Variants in SYNE1 observed in about 807,000 individuals in gnomAD.
SYNE1 encodes the protein nesprin-1.
A neutral mutation model predicts 1,111.0 loss-of-function variants in SYNE1; 616 were observed. The observed-to-expected ratio is 0.55, with a 90% CI of 0.52 to 0.59. The LOEUF is 0.59. Ranked by LOEUF, SYNE1 falls within the 20% of genes least tolerant of loss-of-function variation. The pLI, the probability that SYNE1 is intolerant of heterozygous loss-of-function variation, is 0.00. For synonymous variants in SYNE1, 3,855 were observed against 3,825.8 expected (o/e 1.01, Z -0.28); for missense variants, 10,006 against 10,417.0 (o/e 0.96, Z 1.72).
At chr6:152,536,252 A>G (rs1303655069) in intron 4 of SYNE1, among the ~76,000 whole-genome samples, 4 of 149,568 alleles carry the variant, frequency 2.7e-5, no homozygotes, top group Non-Finnish European at 5.9e-5. Flanking sequence ...ATTCCCTTCT[A>G]TACAGATGCA....
chr6:152,265,729 A>G (rs560306629), intron 100 of SYNE1, among the ~76,000 whole-genome samples: 2 of 152,246 alleles, frequency 1.3e-5, no homozygotes, highest in South Asian at 4.1e-4. Flanking sequence ...TTATATTGAC[A>G]TCAACAAATT....
chr6:152,143,982 C>A, intron 137 of SYNE1: 1 of 616,202 alleles, frequency 1.6e-6, no homozygotes. Flanking sequence ...CCTAGCAGAT[C>A]GGACGTCGCA....
chr6:152,593,607 CAT>C (rs2099573021), intron 3 of SYNE1, among the ~76,000 whole-genome samples: 1 of 151,932 alleles, frequency 6.6e-6, no homozygotes, highest in Admixed American at 6.6e-5. Context: ...AGCTTGAAGA[CAT>C]AGAGGACGGA....
chr6:152,331,449 C>A lies in SYNE1; in HGVS notation c.13236G>T (p.Met4412Ile), dbSNP rs775522405. The A allele has an allele frequency of 3.7e-6, 6 of 1,614,182 alleles. No homozygotes were observed. The East Asian group carries it at 1.1e-4, about 30-fold the overall frequency. The change falls in exon 78 of 146, where the codon ATG (methionine) becomes ATT (isoleucine). Residue 4412 changes from methionine (M) to isoleucine (I), a missense_variant. Around this residue, in one of 7 missense-constraint regions of SYNE1, gnomAD observed 4,955 missense variants for 5,017.2 expected, o/e 0.99. Transcript: ENST00000367255. ...GTCGCTCATTGAGACCAAGATCTGCCATGACCCTGTCTGCGTCCTTTATAA... is the reference window on the plus strand; with the variant it reads ...GTCGCTCATTGAGACCAAGATCTGCAATGACCCTGTCTGCGTCCTTTATAA... ...KSLIKDADRV[M>I]ADLGLNERQV...
intron 111 of SYNE1, 74 bp downstream of exon 111, chr6:152,234,594 C>T: frequency 6.3e-7 from 1 of 1,594,238 alleles, no homozygotes. Flanking sequence ...CCCGGCCTGA[C>T]TTCTTTTCTA....
intron 82 of SYNE1, among the ~76,000 whole-genome samples, chr6:152,322,652 T>C (rs1398254477): frequency 3.3e-5 from 5 of 152,190 alleles, no homozygotes; most frequent in African/African-American, 1.2e-4. Flanking sequence ...TAGCTCTCAA[T>C]GGTTTCCATC....
In SYNE1 at chr6:152,604,847, G is replaced by A. The variant is rs574276558; in HGVS notation, c.67+23418C>T. The stretch of plus-strand genomic sequence containing the variant: ...TGTGTGCCTGTAGTCCCAGCTACTC[G>A]GGAGGCTGAAGTAGGAGGACAGCTT... On this transcript the variant is annotated intron_variant, in intron 3 of 145. Transcript: ENST00000367255. Among the ~76,000 whole-genome samples, 265 of 150,146 alleles carry A rather than the reference G, an allele frequency of 1.8e-3. 1 individual carries two copies. The highest frequency in any genetic ancestry group is 6.0e-3 in the African/African-American group (242 of 40,584).
intron 100 of SYNE1, among the ~76,000 whole-genome samples, chr6:152,265,448 A>G (rs537803699): frequency 6.6e-6 from 1 of 152,272 alleles, no homozygotes; most frequent in South Asian, 2.1e-4. Context: ...TAATATTAGT[A>G]TCTGAATTTT....
At chr6:152,174,336 A>G (rs2065884714) in intron 130 of SYNE1, among the ~76,000 whole-genome samples, 1 of 152,202 alleles carries the variant, frequency 6.6e-6, no homozygotes. Flanking sequence ...TGAACACAGC[A>G]CTGGGATTTT....
chr6:152,239,798 C>T, intron 107 of SYNE1, 92 bp from the exon 108 acceptor site: 1 of 1,370,494 alleles, frequency 7.3e-7, no homozygotes, highest in Non-Finnish European at 1.0e-6. Flanking sequence ...GTGGCTCACG[C>T]CTGTAATCCC....
chr6:152,425,277 A>T, intron 39 of SYNE1, 104 bp downstream of exon 39: 1 of 1,205,914 alleles, frequency 8.3e-7, no homozygotes, highest in Non-Finnish European at 1.2e-6. Context: ...TCAGGTGAGT[A>T]GTTGAGTTAA....
chr6:152,471,906 G>A (rs2098807722), intron 15 of SYNE1, 141 bp from the exon 16 acceptor site: 5 of 855,002 alleles, frequency 5.8e-6, no homozygotes, highest in Non-Finnish European at 5.5e-6. Flanking sequence ...CTGGAAATCC[G>A]ATTCCTTTTC....
chr6:152,519,904 T>C (rs2099130532), intron 6 of SYNE1, among the ~76,000 whole-genome samples: 1 of 152,170 alleles, frequency 6.6e-6, no homozygotes, highest in African/African-American at 2.4e-5. Flanking sequence ...GGGAAGAATA[T>C]GACATCACTT....
Position 152,207,961 on chromosome 6 carries a change from T to C in SYNE1, c.22824+11A>G. Reference sequence around the variant, plus strand: ...CTAAGAGGTGTGAGAACACTGTGTTTTGCATCTTACCTGCACTTCATCAAA... The same window carrying C: ...CTAAGAGGTGTGAGAACACTGTGTTCTGCATCTTACCTGCACTTCATCAAA... On this transcript the variant is annotated intron_variant, in intron 125 of 145. Coordinates refer to ENST00000367255, the MANE Select transcript of SYNE1 (RefSeq NM_182961.4). The C allele has an allele frequency of 6.2e-7, 1 of 1,613,924 alleles. No homozygotes were observed. Among genetic ancestry groups the C allele is most frequent in the Non-Finnish European group, 8.5e-7 (1 of 1,179,832 alleles).
intron 130 of SYNE1, among the ~76,000 whole-genome samples, chr6:152,172,791 AATT>A: frequency 6.6e-6 from 1 of 152,162 alleles, no homozygotes; most frequent in Non-Finnish European, 1.5e-5. Flanking sequence ...GAGGTACTTT[AATT>A]ATCTAGGCCA....
chr6:152,585,444 C>T (rs112350706), intron 3 of SYNE1, among the ~76,000 whole-genome samples: 2,709 of 152,304 alleles, frequency 0.018, 82 homozygotes, highest in African/African-American at 0.06. Context: ...TGTTTATGCA[C>T]GTCTCTAATT....
intron 106 of SYNE1, among the ~76,000 whole-genome samples, 195 bp from the exon 107 acceptor site, chr6:152,242,635 A>G (rs1011190929): frequency 6.6e-6 from 1 of 152,144 alleles, no homozygotes; most frequent in African/African-American, 2.4e-5. Context: ...ATGTTTCACA[A>G]AGAAATGACC....
chr6:152,301,363 T>G (rs947202547), intron 92 of SYNE1, among the ~76,000 whole-genome samples: 1 of 152,212 alleles, frequency 6.6e-6, no homozygotes, highest in Non-Finnish European at 1.5e-5. Context: ...CAAAGTTGAT[T>G]TATTTTAATC....
Position 152,422,552 on chromosome 6 carries a change from C to T in SYNE1, c.5267+2829G>A, listed in dbSNP as rs985445879. Among the ~76,000 whole-genome samples, 10 of 151,772 alleles carry T rather than the reference C, an allele frequency of 6.6e-5. No individual in the cohort carries two copies. The South Asian group carries it at 1.0e-3, about 16-fold the overall frequency. ...AAGTATCACTCTGTTACCCAGGCTTCAGTGCAGTGCTGTGATCACAGCTCC... is the reference window on the plus strand; with the variant it reads ...AAGTATCACTCTGTTACCCAGGCTTTAGTGCAGTGCTGTGATCACAGCTCC... On this transcript the variant is annotated intron_variant, in intron 39 of 145. Coordinates refer to ENST00000367255, the MANE Select transcript of SYNE1 (RefSeq NM_182961.4).
Sources: allele counts gnomAD v4.1 joint callset (sites outside exome capture counted in the v4.1 genomes callset), GRCh38; gene constraint gnomAD v4.1.1; regional missense constraint gnomAD v4.1.1; transcripts MANE v1.5; gene names NCBI Gene and HGNC (gene_info 2026-07-23, HGNC 2026-07-21).